Variants in CUL5 observed in about 807,000 individuals in gnomAD.
The protein encoded by CUL5 is cullin 5.
Under a neutral mutation model 108.8 loss-of-function variants are expected in CUL5, and 26 were observed. The ratio of observed to expected loss-of-function variants is 0.24; its 90% confidence interval spans 0.18 to 0.33. The LOEUF (loss-of-function observed/expected upper bound fraction) is 0.33, where lower values mean the gene tolerates loss of function less well. Among genes scored for constraint, CUL5 ranks in the 10% least tolerant of loss-of-function variants. The pLI, the probability that CUL5 is intolerant of heterozygous loss-of-function variation, is 1.00. For synonymous variants in CUL5, 334 were observed against 298.0 expected, an observed-to-expected ratio of 1.12 and a Z score of -1.25; for missense variants, 524 against 909.2, an observed-to-expected ratio of 0.58 and a Z score of 5.45.
intron 3 of CUL5, among the ~76,000 whole-genome samples, chr11:108,048,536 A>G (rs1863122412): frequency 6.6e-6 from 1 of 151,866 alleles, no homozygotes; most frequent in East Asian, 1.9e-4. Flanking sequence ...TACAATACCT[A>G]TTCATGGATA....
chr11:108,047,969 T>G (rs1221732726), intron 3 of CUL5, among the ~76,000 whole-genome samples: 1 of 152,134 alleles, frequency 6.6e-6, no homozygotes, highest in East Asian at 1.9e-4. Flanking sequence ...CACGGTAACA[T>G]GACTGAATAA....
chr11:108,047,479 A>G (rs141257301), intron 3 of CUL5, among the ~76,000 whole-genome samples: 37 of 152,326 alleles, frequency 2.4e-4, no homozygotes, highest in African/African-American at 8.4e-4. Context: ...AGCAGTTGAA[A>G]ATTAAAACTG....
At chr11:108,048,176 T>C (rs1302305763) in intron 3 of CUL5, among the ~76,000 whole-genome samples, 1 of 151,848 alleles carries the variant, frequency 6.6e-6, no homozygotes, top group Non-Finnish European at 1.5e-5. Flanking sequence ...GAACATACCT[T>C]GTTAGGAAGG....
chr11:108,064,571 G>T (rs114741365), intron 7 of CUL5, among the ~76,000 whole-genome samples: 2,384 of 152,114 alleles, frequency 0.016, 61 homozygotes, highest in African/African-American at 0.055. Context: ...ATTAGCGGGC[G>T]AGGTGTCAGG....
At chr11:108,090,256 A>G (rs1864318461) in intron 13 of CUL5, among the ~76,000 whole-genome samples, 1 of 152,194 alleles carries the variant, frequency 6.6e-6, no homozygotes, top group Non-Finnish European at 1.5e-5. Flanking sequence ...TGGGAGGCCA[A>G]GGCAGGTGGA....
rs182233625 is a variant in CUL5 at position 108,029,113 on chromosome 11, G to A, written c.25-4689G>A. On this transcript the variant is annotated intron_variant, in intron 1 of 18. Transcript: ENST00000393094. Reference sequence around the variant, plus strand: ...CCCTTTTTCCAGGTATTCCCCCATTGTCAACTCCCTGTTGGCTTCCCCACG... The same window carrying A: ...CCCTTTTTCCAGGTATTCCCCCATTATCAACTCCCTGTTGGCTTCCCCACG... Among the ~76,000 whole-genome samples, 104 of 152,254 alleles carry A rather than the reference G, an allele frequency of 6.8e-4. 2 individuals are homozygous for A. In the Middle Eastern group the frequency reaches 0.027, roughly 40 times the overall value.
rs183387745 is a variant in CUL5, at chr11:108,040,709, A to G, written c.135-5561A>G. 1.9e-3 allele frequency among the ~76,000 whole-genome samples: 294 copies of G among 151,860 alleles called. 2 individuals carry two copies. The highest frequency in any genetic ancestry group is 6.6e-3 in the African/African-American group (272 of 41,414). On this transcript the variant is annotated intron_variant, in intron 2 of 18. Coordinates refer to ENST00000393094, the MANE Select transcript of CUL5 (RefSeq NM_003478.6). ...CTGAGGCAGAAAGATCCTTGAGCACAGGAGTTTTAAGTTACGAGCTTATCA... is the reference window on the plus strand; with the variant it reads ...CTGAGGCAGAAAGATCCTTGAGCACGGGAGTTTTAAGTTACGAGCTTATCA...
At position 108,100,986 on chromosome 11, in the gene CUL5, G is replaced by A. The variant is rs893896958; in HGVS notation, c.2148+2457G>A. Among the ~76,000 whole-genome samples, 4 of 152,134 alleles carry A rather than the reference G, an allele frequency of 2.6e-5. 1 individual carries two copies. Among genetic ancestry groups the A allele is most frequent in the Middle Eastern group, 6.3e-3 (2 of 316 alleles). On this transcript the variant is annotated intron_variant, in intron 18 of 18. Coordinates refer to ENST00000393094, the MANE Select transcript of CUL5 (RefSeq NM_003478.6). ...GGAGGTTGCAGTGAGCGGAGATCGC[G>A]CCACTGCACTCCAGCCTGGCAACAG...
chr11:108,095,941 C>T (rs908598250), intron 16 of CUL5, among the ~76,000 whole-genome samples: 4 of 150,960 alleles, frequency 2.6e-5, no homozygotes, highest in Non-Finnish European at 5.9e-5. Context: ...ACTAAAAATA[C>T]AAAAATTAGC....
intron 1 of CUL5, among the ~76,000 whole-genome samples, chr11:108,028,703 G>T (rs967951112): frequency 6.6e-6 from 1 of 152,020 alleles, no homozygotes; most frequent in Non-Finnish European, 1.5e-5. Flanking sequence ...GAGCGTGGTG[G>T]TGCACACCTG....
Position 108,107,113 on chromosome 11 carries a change from G to A in CUL5, c.*2729G>A, listed in dbSNP as rs555102607. 4.6e-5 allele frequency: 7 copies of A among 151,670 alleles called. 1 individual carries two copies. In the South Asian group the frequency reaches 1.3e-3, roughly 27 times the overall value. 9.4% of individuals were successfully genotyped at this position (151,670 alleles called of 1,614,324 possible). A position where few individuals can be genotyped will look rare whatever the true frequency, so the allele number is the denominator to read the frequency against. ...AAATGAGGATCTTGAAATAAATTCT[G>A]AAGTCTTCCAATTTTTACATTTATT... On this transcript the variant is annotated 3_prime_UTR_variant, in exon 19 of 19. Coordinates refer to ENST00000393094, the MANE Select transcript of CUL5 (RefSeq NM_003478.6).
In CUL5 at chr11:108,104,390, A is replaced by T; in HGVS notation, c.*6A>T. 6.6e-7 allele frequency: 1 copy of T among 1,517,046 alleles called. No individual in the cohort carries two copies. The highest frequency in any genetic ancestry group is 8.8e-7 in the Non-Finnish European group (1 of 1,135,936). 94.0% of individuals were successfully genotyped at this position (1,517,046 alleles called of 1,614,324 possible). ...CTTTCATATATATGGCATAATTTTG[A>T]ATATCATGGACAATATTTAGAACCC... On this transcript the variant is annotated 3_prime_UTR_variant, in exon 19 of 19. Transcript: ENST00000393094.
chr11:108,088,403 A>T, intron 11 of CUL5, 124 bp from the exon 12 acceptor site: 1 of 1,053,672 alleles, frequency 9.5e-7, no homozygotes, highest in Non-Finnish European at 1.4e-6. Context: ...TGCTTATCCT[A>T]GTTCCAAACC....
chr11:108,012,915 C>G (rs979227315), intron 1 of CUL5, among the ~76,000 whole-genome samples: 1 of 152,122 alleles, frequency 6.6e-6, no homozygotes, highest in Non-Finnish European at 1.5e-5. Context: ...CAAACTTGTA[C>G]TCTGCCTCTG....
chr11:108,104,466 G>A lies in CUL5; in HGVS notation c.*82G>A. On this transcript the variant is annotated 3_prime_UTR_variant, in exon 19 of 19. Transcript: ENST00000393094. Reference sequence around the variant, plus strand: ...GTTGTAAAGTTTGTGCTGGAGAAAGGTTTATTTGGACTTTGATTACATAAA... The same window carrying A: ...GTTGTAAAGTTTGTGCTGGAGAAAGATTTATTTGGACTTTGATTACATAAA... The A allele has an allele frequency of 1.2e-6, 1 of 839,948 alleles. No homozygotes were observed. The highest frequency in any genetic ancestry group is 1.8e-6 in the Non-Finnish European group (1 of 551,380). 52.0% of individuals were successfully genotyped at this position (839,948 alleles called of 1,614,324 possible). A position where few individuals can be genotyped will look rare whatever the true frequency, so the allele number is the denominator to read the frequency against.
At chr11:108,091,824 A>G (rs900970293) in intron 13 of CUL5, among the ~76,000 whole-genome samples, 3 of 151,778 alleles carry the variant, frequency 2.0e-5, no homozygotes, top group African/African-American at 4.8e-5. Flanking sequence ...AAGATACTCA[A>G]CATCATTAGT....
chr11:108,051,564 T>A (rs1170522890), intron 4 of CUL5, among the ~76,000 whole-genome samples: 2 of 152,214 alleles, frequency 1.3e-5, no homozygotes. Flanking sequence ...TTGTTGTTAT[T>A]GTTGCTGTCA....
At chr11:108,042,200 C>A (rs1297839486) in intron 2 of CUL5, among the ~76,000 whole-genome samples, 1 of 147,994 alleles carries the variant, frequency 6.8e-6, no homozygotes, top group Non-Finnish European at 1.5e-5. Flanking sequence ...ACTGCAGTTA[C>A]CTTAGTCATC....
chr11:108,029,595 T>G (rs903679643), intron 1 of CUL5, among the ~76,000 whole-genome samples: 1 of 152,224 alleles, frequency 6.6e-6, no homozygotes, highest in Non-Finnish European at 1.5e-5. Context: ...GTCCTGCCAC[T>G]TAGTTATGAT....
Sources: gnomAD v4.1 joint callset for allele counts (sites outside exome capture counted in the v4.1 genomes callset) on GRCh38, gnomAD v4.1.1 for gene constraint, MANE v1.5 for transcripts, NCBI Gene and HGNC (gene_info 2026-07-23, HGNC 2026-07-21) for gene names.